Variants in TMEM255B observed in about 807,000 individuals in gnomAD.
TMEM255B encodes the protein family with sequence similarity 70, member B.
Under a neutral mutation model 34.5 loss-of-function variants are expected in TMEM255B, and 35 were observed. The observed-to-expected ratio is 1.01, with a 90% confidence interval of 0.77 to 1.34. The LOEUF is 1.34. TMEM255B is among the 40% of genes most tolerant of loss of function. TMEM255B has a pLI of 0.00. For missense variants in TMEM255B, 432 were observed against 433.2 expected, an observed-to-expected ratio of 1.00 and a Z score of 0.02; for synonymous variants, 206 against 201.2, an observed-to-expected ratio of 1.02 and a Z score of -0.20.
At chr13:113,776,455 C>G (rs1000068491) in intron 3 of TMEM255B, among the ~76,000 whole-genome samples, 1 of 152,178 alleles carries the variant, frequency 6.6e-6, no homozygotes, top group African/African-American at 2.4e-5. Flanking sequence ...GTCGTCCTCC[C>G]GACAGCTACG....
intron 4 of TMEM255B, among the ~76,000 whole-genome samples, chr13:113,798,902 A>T (rs377089192): frequency 1.3e-5 from 2 of 152,202 alleles, no homozygotes; most frequent in Non-Finnish European, 2.9e-5. Context: ...GGGTGGGTGG[A>T]TGATTGGATG....
chr13:113,784,927 A>G (rs1357575089), intron 3 of TMEM255B, among the ~76,000 whole-genome samples: 5 of 151,818 alleles, frequency 3.3e-5, no homozygotes, highest in African/African-American at 4.8e-5. Flanking sequence ...AAGTGGCTCA[A>G]CCATCAAAGA....
In TMEM255B at chr13:113,812,995, A is replaced by ACGGGCCC. The variant is rs1566342379; in HGVS notation, c.*1096_*1097insCCCCGGG. ...GTGGGTCACGGGTCCCGGGTGGGTC[A>ACGGGCCC]CGGGTCCCGAGTGGGTCACGGGTCC... On this transcript the variant is annotated 3_prime_UTR_variant, in exon 9 of 9. Coordinates refer to ENST00000375353, the MANE Select transcript of TMEM255B (RefSeq NM_182614.4). 44 of 138,334 alleles carry ACGGGCCC rather than the reference A, an allele frequency of 3.2e-4. 3 individuals are homozygous for ACGGGCCC. Among genetic ancestry groups the ACGGGCCC allele is most frequent in the African/African-American group, 1.4e-3 (42 of 29,394 alleles). 8.6% of individuals were successfully genotyped at this position (138,334 alleles called of 1,614,324 possible). A position where few individuals can be genotyped will look rare whatever the true frequency, so the allele number is the denominator to read the frequency against.
intron 3 of TMEM255B, among the ~76,000 whole-genome samples, chr13:113,771,824 G>A (rs750833561): frequency 1.7e-4 from 26 of 152,202 alleles, no homozygotes; most frequent in Non-Finnish European, 2.6e-4. Flanking sequence ...TTGTACATAG[G>A]TTTCTGTGTG....
rs2051342925 is a variant in TMEM255B at position 113,812,874 on chromosome 13, TCCCGAGTGGGTCACAGGC to T, written c.*976_*993del. The T allele has an allele frequency of 2.3e-5, 3 of 128,366 alleles. No individual in the cohort carries two copies. Among genetic ancestry groups the T allele is most frequent in the East Asian group, 2.4e-4 (1 of 4,198 alleles). 8.0% of individuals were successfully genotyped at this position (128,366 alleles called of 1,614,324 possible). A position where few individuals can be genotyped will look rare whatever the true frequency, so the allele number is the denominator to read the frequency against. ...ACAGGCATCCCGGGTGGGTCACAGG[TCCCGAGTGGGTCACAGGC>T]CCCGGGTGAGTCACAGGCCCCGGGT... is the stretch of plus-strand genomic sequence containing the variant. On this transcript the variant is annotated 3_prime_UTR_variant, in exon 9 of 9. Coordinates refer to ENST00000375353, the MANE Select transcript of TMEM255B (RefSeq NM_182614.4).
At chr13:113,790,132 G>A (rs138665413) in intron 3 of TMEM255B, among the ~76,000 whole-genome samples, 37,518 of 106,512 alleles carry the variant, frequency 0.35, 9,112 homozygotes, top group East Asian at 0.7. Flanking sequence ...ACATCCTAGT[G>A]CTGGACTGAC....
intron 4 of TMEM255B, among the ~76,000 whole-genome samples, chr13:113,795,521 ACACACAGAGCACACAG>A: frequency 7.4e-6 from 1 of 134,384 alleles, no homozygotes; most frequent in African/African-American, 2.9e-5. Flanking sequence ...ACAGCACACA[ACACACAGAGCACACAG>A]CACACACACA....
intron 3 of TMEM255B, among the ~76,000 whole-genome samples, chr13:113,775,869 C>T (rs529906728): frequency 7.7e-4 from 117 of 152,340 alleles, no homozygotes; most frequent in Non-Finnish European, 1.1e-3. Flanking sequence ...CCGGTGGCCC[C>T]ACATCCCCGC....
Position 113,795,356 on chromosome 13 carries a change from C to G in TMEM255B, c.342+119C>G. The G allele has an allele frequency of 4.8e-6, 5 of 1,052,026 alleles. 1 individual carries two copies. Among genetic ancestry groups the G allele is most frequent in the Middle Eastern group, 2.6e-4 (1 of 3,892 alleles). The allele number at this position is 1,052,026 out of a possible 1,614,324, so 65.2% of individuals were successfully genotyped here. ...GACGGCTTCACCGTCAGTCTCCACG[C>G]TGGGGGTTGCCAGTGACTGTCTCTC... On this transcript the variant is annotated intron_variant, in intron 4 of 8. Transcript: ENST00000375353.
rs957292490 is a variant in TMEM255B, at chr13:113,813,354, A to ATGT, written c.*1452_*1453insGTT. 12 of 152,284 alleles carry ATGT rather than the reference A, an allele frequency of 7.9e-5. No homozygotes were observed. The highest frequency in any genetic ancestry group is 7.2e-4 in the Admixed American group (11 of 15,302). 9.4% of individuals were successfully genotyped at this position (152,284 alleles called of 1,614,324 possible). A position where few individuals can be genotyped will look rare whatever the true frequency, so the allele number is the denominator to read the frequency against. On this transcript the variant is annotated 3_prime_UTR_variant, in exon 9 of 9. Transcript: ENST00000375353. ...CCCTGCAAAGCCCCCCGTGCCTACG[A>ATGT]TAAACAAGTACCGCTCTTCTCCCGT...
At chr13:113,794,081 C>T (rs2050878095) in intron 3 of TMEM255B, among the ~76,000 whole-genome samples, 1 of 152,208 alleles carries the variant, frequency 6.6e-6, no homozygotes, top group African/African-American at 2.4e-5. Flanking sequence ...CAGAGATGGA[C>T]ACACAGGGCC....
Position 113,799,865 on chromosome 13 carries a change from G to C in TMEM255B, c.423+446G>C, listed in dbSNP as rs1026003450. 5 of 959,708 alleles carry C rather than the reference G, an allele frequency of 5.2e-6. 1 individual carries two copies. The South Asian group carries it at 6.8e-5, about 13-fold the overall frequency. 59.4% of individuals were successfully genotyped at this position (959,708 alleles called of 1,614,324 possible). A position where few individuals can be genotyped will look rare whatever the true frequency, so the allele number is the denominator to read the frequency against. On this transcript the variant is annotated intron_variant, in intron 5 of 8. Coordinates refer to ENST00000375353, the MANE Select transcript of TMEM255B (RefSeq NM_182614.4). ...TGACCCGCGGGCGGCCGCCGCCTTC[G>C]CCAGGACCGTCGGAGGGCACAGCTC...
intron 4 of TMEM255B, among the ~76,000 whole-genome samples, chr13:113,795,646 G>A (rs1262948883): frequency 2.4e-5 from 3 of 125,284 alleles, no homozygotes; most frequent in Non-Finnish European, 4.9e-5. Context: ...AGAGCACACA[G>A]CACACACACA....
intron 3 of TMEM255B, among the ~76,000 whole-genome samples, chr13:113,775,140 C>A (rs1005295363): frequency 4.6e-5 from 7 of 151,264 alleles, no homozygotes; most frequent in Non-Finnish European, 8.8e-5. Flanking sequence ...ACACACACCA[C>A]ATATATGACA....
intron 8 of TMEM255B, among the ~76,000 whole-genome samples, chr13:113,811,108 G>C (rs1333100988): frequency 6.6e-6 from 1 of 152,168 alleles, no homozygotes; most frequent in African/African-American, 2.4e-5. Context: ...GTTCTGCCCC[G>C]GGCTGGGGCT....
chr13:113,765,908 G>T (rs1046125392), intron 1 of TMEM255B, among the ~76,000 whole-genome samples: 1 of 152,220 alleles, frequency 6.6e-6, no homozygotes, highest in Non-Finnish European at 1.5e-5. Context: ...CAAATACCAG[G>T]CTATCCAGTA....
intron 8 of TMEM255B, among the ~76,000 whole-genome samples, chr13:113,808,056 G>C (rs1050945751): frequency 2.0e-5 from 3 of 152,202 alleles, no homozygotes; most frequent in African/African-American, 7.2e-5. Context: ...GCTGATAATT[G>C]GATTTCAGAG....
chr13:113,801,959 C>G, intron 7 of TMEM255B, 147 bp downstream of exon 7: 1 of 960,132 alleles, frequency 1.0e-6, no homozygotes, highest in South Asian at 1.8e-5. Context: ...GTCAGGGTGA[C>G]AGCTGGCGTG....
chr13:113,759,971 C>T lies in TMEM255B; in HGVS notation c.46+656C>T, dbSNP rs191063017. On this transcript the variant is annotated intron_variant, in intron 1 of 8. Transcript: ENST00000375353. ...TGTTCACCAGTTCGCAAGCCGGGCTCGGGGGCTCTGCCGGGAAGTGGCCAG... is the reference window on the plus strand; with the variant it reads ...TGTTCACCAGTTCGCAAGCCGGGCTTGGGGGCTCTGCCGGGAAGTGGCCAG... Among the ~76,000 whole-genome samples the T allele has an allele frequency of 2.1e-4, 32 of 152,266 alleles. No homozygotes were observed. The East Asian group carries it at 5.8e-3, about 28-fold the overall frequency.
Sources: allele counts gnomAD v4.1 joint callset (sites outside exome capture counted in the v4.1 genomes callset), GRCh38; gene constraint gnomAD v4.1.1; transcripts MANE v1.5; gene names NCBI Gene and HGNC (gene_info 2026-07-23, HGNC 2026-07-21).